WDR64: variants seen among roughly 807,000 people sequenced by gnomAD.
WDR64 encodes WD repeat domain 64.
WDR64 carries 112 observed loss-of-function variants against 139.3 expected under a neutral mutation model. The ratio of observed to expected loss-of-function variants is 0.80; its 90% CI spans 0.69 to 0.94. WDR64 has a LOEUF of 0.94. Among genes scored for constraint, WDR64 ranks in the 40% least tolerant of loss-of-function variants. The pLI is 0.00. For synonymous variants in WDR64, 444 were observed against 437.7 expected, an observed-to-expected ratio of 1.01 and a Z score of -0.18; for missense variants, 1,206 against 1,293.1, an observed-to-expected ratio of 0.93 and a Z score of 1.03.
At chr1:241,787,678 A>AAT (rs1488092927) in intron 23 of WDR64, among the ~76,000 whole-genome samples, 171 bp from the exon 24 acceptor site, 1 of 151,928 alleles carries the variant, frequency 6.6e-6, no homozygotes, top group Non-Finnish European at 1.5e-5. Context: ...AAAAAAAAAA[A>AAT]AAAAGTTTAC....
chr1:241,709,413 G>C (rs1668079397), intron 8 of WDR64, among the ~76,000 whole-genome samples: 1 of 152,168 alleles, frequency 6.6e-6, no homozygotes, highest in African/African-American at 2.4e-5. Context: ...TTACCCCTTA[G>C]GTTCAATATC....
rs1358175464 is a variant in WDR64 at position 241,766,705 on chromosome 1, A to T, written c.2081+354A>T. 1.7e-4 allele frequency among the ~76,000 whole-genome samples: 12 copies of T among 72,680 alleles called. No homozygotes were observed. In the East Asian group the frequency reaches 2.1e-3, roughly 12 times the overall value. The allele number at this position is 72,680 out of a possible 152,430, so 47.7% of individuals were successfully genotyped here. On this transcript the variant is annotated intron_variant, in intron 16 of 27. Transcript: ENST00000437684. Reference sequence around the variant, plus strand: ...GACAGAGTGAGTGAAACTCAGTATAAAAAAAAAAAAAAAAACCTCAGGGGA... The same window carrying T: ...GACAGAGTGAGTGAAACTCAGTATATAAAAAAAAAAAAAAACCTCAGGGGA...
intron 27 of WDR64, among the ~76,000 whole-genome samples, chr1:241,799,194 T>A (rs1158227279): frequency 2.7e-5 from 1 of 36,470 alleles, no homozygotes; most frequent in Non-Finnish European, 4.2e-5. Flanking sequence ...AGTGAGACTT[T>A]GTCTCTCCAA....
chr1:241,795,917 A>C (rs1189579585), intron 26 of WDR64, among the ~76,000 whole-genome samples: 1 of 152,188 alleles, frequency 6.6e-6, no homozygotes, highest in Non-Finnish European at 1.5e-5. Flanking sequence ...CTAACAGATG[A>C]TGCTAAAGGG....
chr1:241,744,923 C>T (rs1487770222), intron 13 of WDR64, among the ~76,000 whole-genome samples: 1 of 152,220 alleles, frequency 6.6e-6, no homozygotes, highest in East Asian at 1.9e-4. Flanking sequence ...AAACATCCAG[C>T]CAACTTTGTC....
chr1:241,692,761 C>CA (rs1667348870), intron 8 of WDR64, among the ~76,000 whole-genome samples: 1 of 152,000 alleles, frequency 6.6e-6, no homozygotes, highest in South Asian at 2.1e-4. Flanking sequence ...GAAAAATAAA[C>CA]AAAAGATCTG....
chr1:241,726,803 T>C (rs1011311849), intron 10 of WDR64, among the ~76,000 whole-genome samples: 2 of 152,158 alleles, frequency 1.3e-5, no homozygotes, highest in African/African-American at 4.8e-5. Flanking sequence ...GCTAACAAGA[T>C]TGTGGATATA....
intron 27 of WDR64, among the ~76,000 whole-genome samples, chr1:241,799,880 G>A (rs753358972): frequency 6.6e-6 from 1 of 151,746 alleles, no homozygotes; most frequent in African/African-American, 2.4e-5. Flanking sequence ...ACATGACATT[G>A]TATCATATAA....
In WDR64 at chr1:241,683,864, TAC is replaced by T. The variant is rs11473073; in HGVS notation, c.839+195_839+196del. 3.0e-3 allele frequency among the ~76,000 whole-genome samples: 441 copies of T among 145,408 alleles called. 2 individuals carry two copies. Among genetic ancestry groups the T allele is most frequent in the South Asian group, 7.1e-3 (32 of 4,482 alleles). On this transcript the variant is annotated intron_variant, in intron 7 of 27. Transcript: ENST00000437684. ...ATTAATTATAGTCATTGTTCATGTATACACACACACACACACACACACACACA... is the reference window on the plus strand; with the variant it reads ...ATTAATTATAGTCATTGTTCATGTATACACACACACACACACACACACACA...
intron 8 of WDR64, among the ~76,000 whole-genome samples, chr1:241,698,935 G>C (rs1450649064): frequency 6.6e-6 from 1 of 152,170 alleles, no homozygotes; most frequent in East Asian, 1.9e-4. Context: ...ATACCATCGT[G>C]GTGGAAGGGG....
intron 8 of WDR64, among the ~76,000 whole-genome samples, chr1:241,698,282 G>A (rs375382979): frequency 1.8e-4 from 27 of 152,136 alleles, no homozygotes; most frequent in Middle Eastern, 3.4e-3. Flanking sequence ...TTTCTTCCTT[G>A]ATTCCCACAA....
At chr1:241,792,772 A>C (rs1278516591) in intron 25 of WDR64, among the ~76,000 whole-genome samples, 1 of 152,214 alleles carries the variant, frequency 6.6e-6, no homozygotes, top group Admixed American at 6.5e-5. Flanking sequence ...TTTGTGGCAC[A>C]ATCAGAACAC....
intron 2 of WDR64, among the ~76,000 whole-genome samples, chr1:241,668,932 C>T (rs909994300): frequency 1.3e-5 from 2 of 151,910 alleles, no homozygotes; most frequent in African/African-American, 4.8e-5. Context: ...AGACAGCCTA[C>T]TGTTCTCATT....
In WDR64 at chr1:241,764,202, A is replaced by C. The variant is rs138815529; in HGVS notation, c.1948-2016A>C. Among the ~76,000 whole-genome samples the C allele has an allele frequency of 1.3e-3, 195 of 152,340 alleles. 1 individual carries two copies. Among genetic ancestry groups the C allele is most frequent in the Non-Finnish European group, 1.9e-3 (129 of 68,036 alleles). ...ATAAGGAGCTTGAGCATCCTATAAC[A>C]AATGGAAGGCCATGGAAGGGCTTTA... On this transcript the variant is annotated intron_variant, in intron 15 of 27. Coordinates refer to ENST00000437684, the MANE Select transcript of WDR64 (RefSeq NM_001367482.1).
At chr1:241,685,589 T>C (rs1291138180) in intron 7 of WDR64, among the ~76,000 whole-genome samples, 1 of 152,140 alleles carries the variant, frequency 6.6e-6, no homozygotes, top group Admixed American at 6.5e-5. Flanking sequence ...TATAAAGACA[T>C]TAAAAAATGG....
chr1:241,701,296 TCACA>T (rs930682546), intron 8 of WDR64, among the ~76,000 whole-genome samples: 4 of 141,734 alleles, frequency 2.8e-5, no homozygotes, highest in African/African-American at 9.4e-5. Context: ...ACACACACAC[TCACA>T]CACACAGAGC....
intron 10 of WDR64, among the ~76,000 whole-genome samples, chr1:241,731,710 A>T (rs985952266): frequency 6.6e-6 from 1 of 152,164 alleles, no homozygotes; most frequent in African/African-American, 2.4e-5. Context: ...TAGTTTGGTA[A>T]TTAAAAAGTT....
chr1:241,713,356 G>T lies in WDR64; in HGVS notation c.1054+1475G>T, dbSNP rs1358367062. Among the ~76,000 whole-genome samples, 3 of 132,598 alleles carry T rather than the reference G, an allele frequency of 2.3e-5. No individual in the cohort carries two copies. In the East Asian group the frequency reaches 7.6e-4, roughly 34 times the overall value. 87.0% of individuals were successfully genotyped at this position (132,598 alleles called of 152,430 possible). A position where few individuals can be genotyped will look rare whatever the true frequency, so the allele number is the denominator to read the frequency against. The stretch of plus-strand genomic sequence containing the variant: ...GGAAGGAAGGGAGGGAGGGAGGGAG[G>T]GACAGAGGGAGGGAGGAAGGGAAGG... On this transcript the variant is annotated intron_variant, in intron 9 of 27. Transcript: ENST00000437684.
chr1:241,727,362 A>C (rs1668885678), intron 10 of WDR64, among the ~76,000 whole-genome samples: 1 of 152,190 alleles, frequency 6.6e-6, no homozygotes, highest in Admixed American at 6.5e-5. Flanking sequence ...AAGAGACAGA[A>C]GAGAGAATCT....
Sources: allele counts gnomAD v4.1 joint callset (sites outside exome capture counted in the v4.1 genomes callset), GRCh38; gene constraint gnomAD v4.1.1; transcripts MANE v1.5; gene names NCBI Gene and HGNC (gene_info 2026-07-23, HGNC 2026-07-21).